Variants in MFRP observed in about 807,000 individuals in gnomAD.
The protein encoded by MFRP is membrane frizzled-related protein.
MFRP carries 74 observed loss-of-function variants against 65.8 expected under a neutral mutation model. That is an observed-to-expected ratio of 1.12 (90% CI 0.93 to 1.36). The LOEUF (loss-of-function observed/expected upper bound fraction) is 1.36, where lower values mean the gene tolerates loss of function less well. MFRP is among the 40% of genes most tolerant of loss of function. The pLI, the probability that MFRP is intolerant of heterozygous loss-of-function variation, is 0.00. For synonymous variants in MFRP, 336 were observed against 288.3 expected (o/e 1.17, Z -1.68); for missense variants, 838 against 736.0 (o/e 1.14, Z -1.60).
chr11:119,346,403 G>A, intron 1 of MFRP, 29 bp from the exon 2 acceptor site: 1 of 1,611,394 alleles, frequency 6.2e-7, no homozygotes, highest in Non-Finnish European at 8.5e-7. Context: ...TGAGGGCTGA[G>A]GGCAGCAGTG....
chr11:119,339,935 C>T lies in MFRP; in HGVS notation c.*1111-87G>A, dbSNP rs980395095. On this transcript the variant is annotated intron_variant, in intron 14 of 14. Transcript: ENST00000619721. The surrounding 1 kb of genome is among the most constrained non-coding windows in gnomAD (Gnocchi z 5.4). Reference sequence around the variant, plus strand: ...GACTCTAAGGTCACCGTACCCCTCCCCGCCCCTGCCTGAGCTTCGGCCAGC... The same window carrying T: ...GACTCTAAGGTCACCGTACCCCTCCTCGCCCCTGCCTGAGCTTCGGCCAGC... The T allele has an allele frequency of 7.1e-7, 1 of 1,398,974 alleles. No homozygotes were observed. The highest frequency in any genetic ancestry group is 1.5e-5 in the African/African-American group (1 of 66,614). The allele number at this position is 1,398,974 out of a possible 1,614,324, so 86.7% of individuals were successfully genotyped here.
At position 119,346,617 on chromosome 11, in the gene MFRP, T is replaced by G; in HGVS notation, c.-104A>C. On this transcript the variant is annotated 5_prime_UTR_variant, in exon 1 of 15. Transcript: ENST00000619721. ...TCCCTGTCAGAGGGGCAGCCTCTAC[T>G]ACCCGAGGGAAAAGGCTGCCAGGCT... 1.7e-6 allele frequency: 2 copies of G among 1,198,136 alleles called. No individual in the cohort carries two copies. The highest frequency in any genetic ancestry group is 1.2e-5 in the South Asian group (1 of 81,150). The allele number at this position is 1,198,136 out of a possible 1,614,324, so 74.2% of individuals were successfully genotyped here. A position where few individuals can be genotyped will look rare whatever the true frequency, so the allele number is the denominator to read the frequency against.
rs773466129 is a variant in MFRP, at chr11:119,339,328, G to A, written c.*1631C>T. ...AGAGCATGAGCTCACTTTGCAGTGG[G>A]CACTAAGCAAAGACTGGGGAGCTGT... On this transcript the variant is annotated 3_prime_UTR_variant, in exon 15 of 15. Coordinates refer to ENST00000619721, the MANE Select transcript of MFRP (RefSeq NM_031433.4). This position sits in a 1 kb window ranked among gnomAD's most constrained non-coding sequence, Gnocchi z 5.4. 1 of 1,611,950 alleles carries A rather than the reference G, an allele frequency of 6.2e-7. No individual in the cohort carries two copies. The highest frequency in any genetic ancestry group is 8.5e-7 in the Non-Finnish European group (1 of 1,178,700).
chr11:119,344,633 C>T lies in MFRP; in HGVS notation c.897G>A (p.Ser299=), dbSNP rs150284394. Residue 299 remains serine (S), a splice_region_variant and synonymous_variant, in exon 7 of 15, where the codon TCG becomes TCA. Coordinates refer to ENST00000619721, the MANE Select transcript of MFRP (RefSeq NM_031433.4). ...SDETNCSAKF[S]GCGGNLTGLQ... The stretch of plus-strand genomic sequence containing the variant: ...AGGACCCCCATGCCTGGCCCGTACC[C>T]GAGAACTTGGCACTGCAATTGGTCT... The T allele has an allele frequency of 1.6e-4, 266 of 1,614,032 alleles. 3 individuals are homozygous for T. Among genetic ancestry groups the T allele is most frequent in the South Asian group, 1.0e-3 (95 of 91,084 alleles).
chr11:119,339,921 C>A lies in MFRP; in HGVS notation c.*1111-73G>T. ...CGCAGCGGGGCGGCGACTCTAAGGT[C>A]ACCGTACCCCTCCCCGCCCCTGCCT... On this transcript the variant is annotated intron_variant, in intron 14 of 14. Transcript: ENST00000619721. The surrounding 1 kb of genome is among the most constrained non-coding windows in gnomAD (Gnocchi z 5.4). The A allele has an allele frequency of 1.4e-6, 2 of 1,413,952 alleles. No individual in the cohort carries two copies. Among genetic ancestry groups the A allele is most frequent in the South Asian group, 3.0e-5 (2 of 66,386 alleles). 87.6% of individuals were successfully genotyped at this position (1,413,952 alleles called of 1,614,324 possible). A position where few individuals can be genotyped will look rare whatever the true frequency, so the allele number is the denominator to read the frequency against.
At position 119,340,361 on chromosome 11, in the gene MFRP, C is replaced by T. The variant is rs1444774049; in HGVS notation, c.*933G>A. 5.2e-6 allele frequency: 8 copies of T among 1,544,002 alleles called. No homozygotes were observed. The Admixed American group carries it at 1.4e-4, about 27-fold the overall frequency. On this transcript the variant is annotated 3_prime_UTR_variant, in exon 14 of 15. Transcript: ENST00000619721. ...TCGTCCAGTGGGGGCGAGCCGGCCG[C>T]CAGGCCCAGGAGCAGCAGGACGAGG...
rs1296641221 is a variant in MFRP, at chr11:119,343,957, G to T, written c.983C>A (p.Thr328Asn). The T allele has an allele frequency of 1.2e-6, 2 of 1,612,656 alleles. No individual in the cohort carries two copies. Among genetic ancestry groups the T allele is most frequent in the South Asian group, 2.2e-5 (2 of 91,052 alleles). Residue 328 changes from threonine to asparagine, a missense_variant, in exon 9 of 15, where the codon ACC becomes AAC. Physicochemically the swap from Thr to Asn is moderately conservative, Grantham distance 65. Transcript: ENST00000619721. ...LQQYPHQLLC[T>N]WHISVPAGHS... ...TCCGGCAGGCACCGAGATATGCCAG[G>T]TGCAGAGCTGGGGGAGGGCATAGGT... is the stretch of plus-strand genomic sequence containing the variant.
rs371531353 is a variant in MFRP at position 119,345,483 on chromosome 11, C to A, written c.578G>T (p.Ser193Ile). 6.2e-7 allele frequency: 1 copy of A among 1,614,090 alleles called. No individual in the cohort carries two copies. Among genetic ancestry groups the A allele is most frequent in the Non-Finnish European group, 8.5e-7 (1 of 1,180,040 alleles). The change falls in exon 5 of 15, where the codon AGT (serine) becomes ATT (isoleucine). Residue 193 changes from serine to isoleucine, a missense_variant. Transcript: ENST00000619721. ...QLKIEALSIE[S>I]VASCLFDRLE... ...GCGATCAAAAAGGCAAGAGGCCACACTCTCTATGCTGAGGGCTTCGATCTT... is the reference window on the plus strand; with the variant it reads ...GCGATCAAAAAGGCAAGAGGCCACAATCTCTATGCTGAGGGCTTCGATCTT...
chr11:119,345,562 TG>T lies in MFRP; in HGVS notation c.498del (p.Asn167ThrfsTer25), dbSNP rs587776596. Reference protein sequence around the residue: ...SSPNYPDPYPPNTHCVWHIQV... With the variant: ...SSPNYPDPYPXNTHCVWHIQV... ...TGGATATGCCACACGCAGTGGGTGT[TG>T]GGGGGGTAAGGGTCTGGGTAGTTAG... is the stretch of plus-strand genomic sequence containing the variant. On this transcript the variant is annotated frameshift_variant, in exon 5 of 15. Transcript: ENST00000619721. LOFTEE classifies it high-confidence loss of function. 7.5e-5 allele frequency: 121 copies of T among 1,613,826 alleles called. No individual in the cohort carries two copies. Among genetic ancestry groups the T allele is most frequent in the Admixed American group, 3.2e-4 (19 of 59,994 alleles).
rs767632302 is a variant in MFRP, at chr11:119,344,751, C to T, written c.779G>A (p.Cys260Tyr). Residue 260 changes from cysteine (C) to tyrosine (Y), a missense_variant, in exon 7 of 15, where the codon TGT (cysteine) becomes TAT (tyrosine). Cys to Tyr is a radical substitution (Grantham distance 194, BLOSUM62 -2). Coordinates refer to ENST00000619721, the MANE Select transcript of MFRP (RefSeq NM_031433.4). The part of the protein sequence containing the change: ...YQAMAPGRGS[C>Y]AHDEFRCDQL... ...GTCACAGCGGAACTCATCATGGGCA[C>T]AGCTCCCTGGATGTGGGCACCAGGA... 1 of 1,613,998 alleles carries T rather than the reference C, an allele frequency of 6.2e-7. No individual in the cohort carries two copies. The highest frequency in any genetic ancestry group is 8.5e-7 in the Non-Finnish European group (1 of 1,180,010).
chr11:119,344,507 G>A (rs1407968293), intron 7 of MFRP, 116 bp from the exon 8 acceptor site: 2 of 1,579,084 alleles, frequency 1.3e-6, no homozygotes, highest in Non-Finnish European at 1.7e-6. Flanking sequence ...CAAGTTCTGG[G>A]CCAAAGAATG....
rs914404416 is a variant in MFRP at position 119,341,183 on chromosome 11, C to T, written c.*365G>A. 2.3e-5 allele frequency: 7 copies of T among 300,530 alleles called. No individual in the cohort carries two copies. The highest frequency in any genetic ancestry group is 1.5e-4 in the African/African-American group (7 of 46,404). 18.6% of individuals were successfully genotyped at this position (300,530 alleles called of 1,614,324 possible). On this transcript the variant is annotated 3_prime_UTR_variant, in exon 13 of 15. Transcript: ENST00000619721. ...GGATCCCTAGGGCCTAGGACAGGGGCCTGCCACATGAATAGATGCTCAGTA... is the reference window on the plus strand; with the variant it reads ...GGATCCCTAGGGCCTAGGACAGGGGTCTGCCACATGAATAGATGCTCAGTA...
chr11:119,344,814 CTGGGAGT>C, intron 6 of MFRP, 53 bp downstream of exon 6: 1 of 1,613,692 alleles, frequency 6.2e-7, no homozygotes, highest in South Asian at 1.1e-5. Flanking sequence ...TTTGACAGGA[CTGGGAGT>C]GGGTGGAGGG....
intron 8 of MFRP, 27 bp from the exon 9 acceptor site, chr11:119,343,991 T>A (rs377031282): frequency 1.2e-4 from 195 of 1,608,892 alleles, no homozygotes; most frequent in Non-Finnish European, 1.6e-4. Context: ...GTGGAGCAAT[T>A]CATGGCCCCT....
chr11:119,339,487 C>G lies in MFRP; in HGVS notation c.*1472G>C, dbSNP rs151230738. 1.9e-6 allele frequency: 3 copies of G among 1,614,016 alleles called. No homozygotes were observed. Among genetic ancestry groups the G allele is most frequent in the East Asian group, 2.2e-5 (1 of 44,882 alleles). ...GCTCCAGCCTCACCATGGCCCCCCCCGAGAGCGAGGCTGGCTTGGGCCACC... is the reference window on the plus strand; with the variant it reads ...GCTCCAGCCTCACCATGGCCCCCCCGGAGAGCGAGGCTGGCTTGGGCCACC... On this transcript the variant is annotated 3_prime_UTR_variant, in exon 15 of 15. Coordinates refer to ENST00000619721, the MANE Select transcript of MFRP (RefSeq NM_031433.4). The surrounding 1 kb of genome is among the most constrained non-coding windows in gnomAD (Gnocchi z 5.4).
In MFRP at chr11:119,345,910, G is replaced by A. The variant is rs199473708; in HGVS notation, c.290C>T (p.Pro97Leu). Residue 97 changes from proline to leucine, a missense_variant, in exon 4 of 15, where the codon CCA becomes CTA. Pro to Leu is a moderately conservative substitution (Grantham distance 98). Transcript: ENST00000619721. Reference protein sequence around the residue: ...IILAQLQAAPPSGASHSPLPA... With the variant: ...IILAQLQAAPLSGASHSPLPA... ...CAGTGGGCTATGGGACGCCCCAGAT[G>A]GGGGTGCAGCCTGCAGCTCTGGAGG... 2.3e-4 allele frequency: 372 copies of A among 1,613,690 alleles called. 4 individuals carry two copies. The South Asian group carries it at 3.8e-3, about 16-fold the overall frequency.
chr11:119,345,106 T>C (rs1591305948), intron 5 of MFRP, 102 bp from the exon 6 acceptor site: 1 of 1,463,196 alleles, frequency 6.8e-7, no homozygotes, highest in South Asian at 1.3e-5. Flanking sequence ...ACCCCCAAAC[T>C]GGTGACCATG....
Position 119,345,531 on chromosome 11 carries a change from G to C in MFRP, c.530C>G (p.Ala177Gly). The change falls in exon 5 of 15, where the codon GCC becomes GGC. Residue 177 changes from alanine (A) to glycine (G), a missense_variant. Coordinates refer to ENST00000619721, the MANE Select transcript of MFRP (RefSeq NM_031433.4). ...NTHCVWHIQVATDHAIQLKIE... is the reference protein window; with the variant it reads ...NTHCVWHIQVGTDHAIQLKIE... ...CTTGAGCTGTATTGCATGGTCTGTGGCCACCTGGATATGCCACACGCAGTG... is the reference window on the plus strand; with the variant it reads ...CTTGAGCTGTATTGCATGGTCTGTGCCCACCTGGATATGCCACACGCAGTG... 1 of 1,614,094 alleles carries C rather than the reference G, an allele frequency of 6.2e-7. No homozygotes were observed. Among genetic ancestry groups the C allele is most frequent in the African/African-American group, 1.3e-5 (1 of 75,046 alleles).
intron 7 of MFRP, 79 bp from the exon 8 acceptor site, chr11:119,344,470 G>T: frequency 6.4e-7 from 1 of 1,554,164 alleles, no homozygotes; most frequent in Non-Finnish European, 8.8e-7. Flanking sequence ...ATTACAGAGC[G>T]AGAGTTTTGG....
Sources: allele counts gnomAD v4.1 joint callset, GRCh38; gene constraint gnomAD v4.1.1; non-coding constraint Gnocchi (gnomAD v3.1); transcripts MANE v1.5; gene names NCBI Gene and HGNC (gene_info 2026-07-23, HGNC 2026-07-21).